The following ARHGEF10L variants were observed in gnomAD, a reference collection of about 807,000 sequenced individuals.
ARHGEF10L encodes the protein rho guanine nucleotide exchange factor 10-like protein.
Under a neutral mutation model 141.2 loss-of-function variants are expected in ARHGEF10L, and 69 were observed. The observed-to-expected ratio is 0.49, with a 90% CI of 0.40 to 0.60. The LOEUF (loss-of-function observed/expected upper bound fraction) is 0.60. ARHGEF10L is among the 20% of genes least tolerant of loss of function. The pLI, the probability that ARHGEF10L is intolerant of heterozygous loss-of-function variation, is 0.00. For synonymous variants in ARHGEF10L, 711 were observed against 718.5 expected (o/e 0.99, Z 0.17); for missense variants, 1,482 against 1,734.3 (o/e 0.85, Z 2.58).
Position 17,539,925 on chromosome 1 carries a change from C to T in ARHGEF10L, c.-69C>T, listed in dbSNP as rs2076652571. ...GCGCCTTTGTGAGCGGCGCGGACGA[C>T]AAAGGCGCGGGCCCGGGCAGCCGAG... On this transcript the variant is annotated 5_prime_UTR_variant, in exon 1 of 29. Coordinates refer to ENST00000361221, the MANE Select transcript of ARHGEF10L (RefSeq NM_018125.4). The surrounding 1 kb of genome is among the most constrained non-coding windows in gnomAD (Gnocchi z 6.0). 2 of 151,378 alleles carry T rather than the reference C, an allele frequency of 1.3e-5. No individual in the cohort carries two copies. 9.4% of individuals were successfully genotyped at this position (151,378 alleles called of 1,614,324 possible). A position where few individuals can be genotyped will look rare whatever the true frequency, so the allele number is the denominator to read the frequency against.
At position 17,655,942 on chromosome 1, in the gene ARHGEF10L, C is replaced by T; in HGVS notation, c.2545C>T (p.Pro849Ser). The stretch of plus-strand genomic sequence containing the variant: ...AATCTTTTCCTTGAACCGGCCCTCG[C>T]CCCGCACCGTCAAGTCCTTCCCACT... ...VEIFSLNRPSPRTVKSFPLAA... is the reference protein window; with the variant it reads ...VEIFSLNRPSSRTVKSFPLAA... Residue 849 changes from proline (P) to serine (S), a missense_variant, in exon 24 of 29, where the codon CCC becomes TCC. Physicochemically the swap from Pro to Ser is moderately conservative, Grantham distance 74. Coordinates refer to ENST00000361221, the MANE Select transcript of ARHGEF10L (RefSeq NM_018125.4). 1 of 1,559,702 alleles carries T rather than the reference C, an allele frequency of 6.4e-7. No homozygotes were observed. Among genetic ancestry groups the T allele is most frequent in the Non-Finnish European group, 8.7e-7 (1 of 1,151,426 alleles).
intron 13 of ARHGEF10L, 121 bp downstream of exon 13, chr1:17,624,624 C>T: frequency 1.3e-6 from 1 of 788,230 alleles, no homozygotes; most frequent in Non-Finnish European, 2.2e-6. Context: ...GACAGCTCCC[C>T]TCTTTCTTTT....
At chr1:17,555,441 C>A (rs977624357) in intron 1 of ARHGEF10L, among the ~76,000 whole-genome samples, 2 of 151,864 alleles carry the variant, frequency 1.3e-5, no homozygotes, top group Admixed American at 6.6e-5. Context: ...CAGCTCATTG[C>A]AACCTCTGCC....
intron 22 of ARHGEF10L, among the ~76,000 whole-genome samples, chr1:17,653,988 T>G (rs1298324671): frequency 6.6e-6 from 1 of 152,232 alleles, no homozygotes; most frequent in African/African-American, 2.4e-5. Context: ...AGTGGTCGGC[T>G]GCATCCTCCT....
intron 27 of ARHGEF10L, chr1:17,694,749 T>C (rs1417266469): frequency 2.7e-6 from 1 of 365,850 alleles, no homozygotes; most frequent in African/African-American, 2.1e-5. Context: ...GATGAGAAGC[T>C]TGCACCTCCC....
At chr1:17,645,497 G>A (rs1030497579) in intron 21 of ARHGEF10L, among the ~76,000 whole-genome samples, 7 of 152,098 alleles carry the variant, frequency 4.6e-5, no homozygotes, top group African/African-American at 1.2e-4. Context: ...GGAGATGCTC[G>A]CTCACCCAGC....
the ARHGEF10L span, among the ~76,000 whole-genome samples, chr1:17,517,452 T>C: frequency 6.6e-6 from 1 of 151,770 alleles, no homozygotes; most frequent in Non-Finnish European, 1.5e-5. Context: ...GCCTCCTGAG[T>C]AGCTAGGACT....
intron 1 of ARHGEF10L, among the ~76,000 whole-genome samples, chr1:17,551,017 C>A (rs2077092342): frequency 6.6e-6 from 1 of 151,894 alleles, no homozygotes; most frequent in Admixed American, 6.6e-5. Context: ...GGAAAGAGGC[C>A]CGGAGGTGAC....
chr1:17,672,698 A>G lies in ARHGEF10L; in HGVS notation c.3009+8103A>G, dbSNP rs138302620. Among the ~76,000 whole-genome samples, 5 of 152,316 alleles carry G rather than the reference A, an allele frequency of 3.3e-5. No individual in the cohort carries two copies. In the East Asian group the frequency reaches 9.6e-4, roughly 29 times the overall value. On this transcript the variant is annotated intron_variant, in intron 26 of 28. Transcript: ENST00000361221. ...GGAGACTTCCCAGGAGGCTCCGACA[A>G]GAACAAGTTCACAAGGAAGATGAGT...
chr1:17,656,687 G>A lies in ARHGEF10L; in HGVS notation c.2839G>A (p.Ala947Thr), dbSNP rs747150626. 5 of 1,613,170 alleles carry A rather than the reference G, an allele frequency of 3.1e-6. No homozygotes were observed. Among genetic ancestry groups the A allele is most frequent in the Non-Finnish European group, 4.2e-6 (5 of 1,179,950 alleles). Reference sequence around the variant, plus strand: ...CGCTGGCCTGCAGGATGGGACCCTTGCTGCTTACCCTCGGACCAGCGGTGA... The same window carrying A: ...CGCTGGCCTGCAGGATGGGACCCTTACTGCTTACCCTCGGACCAGCGGTGA... ...LLAGLQDGTL[A>T]AYPRTSGGVL... is the part of the protein sequence containing the mutation. Residue 947 changes from alanine (A) to threonine (T), a missense_variant, in exon 25 of 29, where the codon GCT (alanine) becomes ACT (threonine). This residue lies in a region of ARHGEF10L where 858 missense variants were observed against 966.3 expected (regional missense o/e 0.89). Transcript: ENST00000361221. The surrounding 1 kb of genome is among the most constrained non-coding windows in gnomAD (Gnocchi z 4.9).
chr1:17,527,819 G>A, the ARHGEF10L span, among the ~76,000 whole-genome samples: 1 of 151,288 alleles, frequency 6.6e-6, no homozygotes, highest in Non-Finnish European at 1.5e-5. Context: ...GGAGGCGAGG[G>A]TTATTGCCCT....
intron 1 of ARHGEF10L, among the ~76,000 whole-genome samples, chr1:17,543,231 A>C (rs1008716134): frequency 2.0e-5 from 3 of 152,160 alleles, no homozygotes; most frequent in African/African-American, 7.2e-5. Flanking sequence ...CCTACACATA[A>C]GAGCTGATTG....
the ARHGEF10L span, among the ~76,000 whole-genome samples, chr1:17,517,929 T>G: frequency 6.6e-6 from 1 of 152,200 alleles, no homozygotes; most frequent in Non-Finnish European, 1.5e-5. Flanking sequence ...CCCAAAAGTG[T>G]TGGAATTATA....
intron 26 of ARHGEF10L, among the ~76,000 whole-genome samples, chr1:17,682,663 G>T (rs1333931036): frequency 6.6e-6 from 1 of 152,146 alleles, no homozygotes; most frequent in Non-Finnish European, 1.5e-5. Flanking sequence ...GGTGCAGGGT[G>T]AGCGCTCACC....
At chr1:17,568,109 G>A (rs1429444681) in intron 1 of ARHGEF10L, among the ~76,000 whole-genome samples, 1 of 152,172 alleles carries the variant, frequency 6.6e-6, no homozygotes, top group Non-Finnish European at 1.5e-5. Flanking sequence ...GGCAGGCAGT[G>A]CCTTCCTGGA....
At position 17,616,075 on chromosome 1, in the gene ARHGEF10L, CCT is replaced by C. The variant is rs1557831084; in HGVS notation, c.727-14_727-13del. 6.2e-7 allele frequency: 1 copy of C among 1,609,196 alleles called. No individual in the cohort carries two copies. Among genetic ancestry groups the C allele is most frequent in the Non-Finnish European group, 8.5e-7 (1 of 1,176,252 alleles). ...CCCAGGCCGTCCCTTCCCTGATGAG[CCT>C]CTCTACCTTTGCTCAGATGACCCAG... is the stretch of plus-strand genomic sequence containing the variant. On this transcript the variant is annotated splice_polypyrimidine_tract_variant and intron_variant, in intron 8 of 28. Transcript: ENST00000361221.
At chr1:17,664,045 A>T (rs751885441) in intron 25 of ARHGEF10L, among the ~76,000 whole-genome samples, 33 of 152,158 alleles carry the variant, frequency 2.2e-4, no homozygotes, top group Non-Finnish European at 4.1e-4. Context: ...TGCTCTGACC[A>T]GTGGGGCTTC....
chr1:17,584,145 A>T (rs2078825729), intron 2 of ARHGEF10L, among the ~76,000 whole-genome samples: 1 of 152,124 alleles, frequency 6.6e-6, no homozygotes, highest in South Asian at 2.1e-4. Context: ...CCTGGGTTCA[A>T]GTGATCCCTC....
chr1:17,601,490 G>A (rs540952208), intron 4 of ARHGEF10L, among the ~76,000 whole-genome samples: 8 of 152,170 alleles, frequency 5.3e-5, no homozygotes, highest in Admixed American at 5.2e-4. Flanking sequence ...TTGTCATCCA[G>A]GCTGGAGTGT....
Sources: gnomAD v4.1 joint callset for allele counts (sites outside exome capture counted in the v4.1 genomes callset) on GRCh38, gnomAD v4.1.1 for gene constraint, gnomAD v4.1.1 regional missense constraint, Gnocchi (gnomAD v3.1) non-coding constraint, MANE v1.5 for transcripts, NCBI Gene and HGNC (gene_info 2026-07-23, HGNC 2026-07-21) for gene names.